The following CSRNP3 variants were observed in gnomAD, a reference collection of about 807,000 sequenced individuals.
CSRNP3 encodes cysteine/serine-rich nuclear protein 3.
Under a neutral mutation model 48.0 loss-of-function variants are expected in CSRNP3, and 12 were observed. The observed-to-expected ratio is 0.25, with a 90% CI of 0.16 to 0.41. CSRNP3 has a LOEUF of 0.41. CSRNP3 is among the 10% of genes least tolerant of loss of function. The pLI is 1.00. For synonymous variants in CSRNP3, 263 were observed against 269.7 expected, an observed-to-expected ratio of 0.98 and a Z score of 0.24; for missense variants, 580 against 724.4, an observed-to-expected ratio of 0.80 and a Z score of 2.29.
chr2:165,595,181 G>A lies in CSRNP3; in HGVS notation c.116G>A (p.Ser39Asn). The change falls in exon 4 of 7, where the codon AGT (serine) becomes AAT (asparagine). Residue 39 changes from serine to asparagine, a missense_variant. By Grantham distance (46) the Ser-to-Asn change is conservative. Coordinates refer to ENST00000651982, the MANE Select transcript of CSRNP3 (RefSeq NM_001172173.2). ...SSSESADSGD[S>N]VNPSTSSHFT... ...AGTGAAAGTGCTGACAGTGGGGACA[G>A]TGTCAATCCATCCACTTCTAGTCAT... 6.2e-7 allele frequency: 1 copy of A among 1,614,104 alleles called. No homozygotes were observed. The highest frequency in any genetic ancestry group is 1.7e-5 in the Admixed American group (1 of 60,026).
At chr2:165,574,195 T>A (rs1685412529) in intron 3 of CSRNP3, 2 of 508,654 alleles carry the variant, frequency 3.9e-6, no homozygotes, top group African/African-American at 4.0e-5. Context: ...GCTGGAGGAC[T>A]GCCTGAGCCT....
At chr2:165,672,212 T>A (rs1687342881) in intron 5 of CSRNP3, among the ~76,000 whole-genome samples, 2 of 152,194 alleles carry the variant, frequency 1.3e-5, no homozygotes, top group South Asian at 4.1e-4. Context: ...CAAAGTTGCT[T>A]CCACATTTTC....
At chr2:165,548,517 A>ATAT (rs1227574936) in intron 3 of CSRNP3, among the ~76,000 whole-genome samples, 3 of 152,092 alleles carry the variant, frequency 2.0e-5, no homozygotes, top group Non-Finnish European at 4.4e-5. Context: ...TATACAGGAA[A>ATAT]TATTATATTG....
intron 3 of CSRNP3, among the ~76,000 whole-genome samples, chr2:165,527,553 A>G (rs976274600): frequency 2.0e-5 from 3 of 151,950 alleles, no homozygotes; most frequent in Non-Finnish European, 4.4e-5. Flanking sequence ...AAGGATAATT[A>G]TATATGTACA....
At chr2:165,634,893 C>T (rs1686601821) in intron 4 of CSRNP3, among the ~76,000 whole-genome samples, 1 of 152,220 alleles carries the variant, frequency 6.6e-6, no homozygotes, top group Non-Finnish European at 1.5e-5. Flanking sequence ...TTATTGTTAT[C>T]TCGTCCAGGA....
intron 5 of CSRNP3, among the ~76,000 whole-genome samples, chr2:165,666,833 C>CGGAA (rs1158749313): frequency 2.2e-5 from 1 of 44,898 alleles, no homozygotes; most frequent in Non-Finnish European, 4.4e-5. Flanking sequence ...AAAGGAAGGA[C>CGGAA]GGAAGGAAGG....
intron 5 of CSRNP3, among the ~76,000 whole-genome samples, chr2:165,670,237 ACCCCACTGCCAG>A (rs1687306179): frequency 6.6e-6 from 1 of 152,036 alleles, no homozygotes; most frequent in African/African-American, 2.4e-5. Flanking sequence ...TTCCCACTTC[ACCCCACTGCCAG>A]CCCCACTGCC....
At chr2:165,563,167 G>A (rs957237360) in intron 3 of CSRNP3, among the ~76,000 whole-genome samples, 1 of 152,150 alleles carries the variant, frequency 6.6e-6, no homozygotes, top group Non-Finnish European at 1.5e-5. Context: ...GTACACAATT[G>A]TTAAAACAAA....
intron 4 of CSRNP3, among the ~76,000 whole-genome samples, chr2:165,621,590 T>C (rs1222887878): frequency 6.6e-6 from 1 of 152,186 alleles, no homozygotes; most frequent in Non-Finnish European, 1.5e-5. Context: ...AGGAATCTCT[T>C]ACAGAGAAGA....
At chr2:165,666,091 A>G (rs1421348891) in intron 5 of CSRNP3, among the ~76,000 whole-genome samples, 2 of 129,372 alleles carry the variant, frequency 1.5e-5, no homozygotes, top group African/African-American at 2.9e-5. Flanking sequence ...AAAGGAAGGA[A>G]GGAGAGAGAG....
At chr2:165,471,430 T>G (rs1166466457) in intron 1 of CSRNP3, among the ~76,000 whole-genome samples, 1 of 151,986 alleles carries the variant, frequency 6.6e-6, no homozygotes, top group East Asian at 1.9e-4. Context: ...TTAGAGGAAA[T>G]AAATCAATGC....
intron 5 of CSRNP3, among the ~76,000 whole-genome samples, chr2:165,671,095 G>T (rs1190097972): frequency 6.6e-6 from 1 of 152,084 alleles, no homozygotes; most frequent in Admixed American, 6.5e-5. Flanking sequence ...TAATCTATCT[G>T]TGAGATATAA....
rs1194622688 is a variant in CSRNP3 at position 165,681,898 on chromosome 2, CT to C, written c.*2146del. 1 of 150,514 alleles carries C rather than the reference CT, an allele frequency of 6.6e-6. No homozygotes were observed. Among genetic ancestry groups the C allele is most frequent in the Non-Finnish European group, 1.5e-5 (1 of 67,754 alleles). 9.3% of individuals were successfully genotyped at this position (150,514 alleles called of 1,614,324 possible). A position where few individuals can be genotyped will look rare whatever the true frequency, so the allele number is the denominator to read the frequency against. On this transcript the variant is annotated 3_prime_UTR_variant, in exon 7 of 7. Transcript: ENST00000651982. Reference sequence around the variant, plus strand: ...GTGCTTAATCTCCAAAATTTTCCCCCTACTGATACAATCTAAAGAGCACAGG... The same window carrying C: ...GTGCTTAATCTCCAAAATTTTCCCCCACTGATACAATCTAAAGAGCACAGG...
intron 3 of CSRNP3, among the ~76,000 whole-genome samples, chr2:165,553,649 A>G (rs1018109137): frequency 6.6e-5 from 10 of 152,170 alleles, no homozygotes; most frequent in Non-Finnish European, 1.5e-4. Context: ...CACTGATAAA[A>G]TAAAAGCAGA....
intron 3 of CSRNP3, among the ~76,000 whole-genome samples, chr2:165,534,995 G>A (rs1396557060): frequency 1.3e-5 from 2 of 151,672 alleles, no homozygotes; most frequent in Admixed American, 1.3e-4. Context: ...AAAATTATCA[G>A]ATGAGAAACC....
At chr2:165,633,819 T>C (rs901220662) in intron 4 of CSRNP3, among the ~76,000 whole-genome samples, 4 of 152,198 alleles carry the variant, frequency 2.6e-5, no homozygotes, top group Non-Finnish European at 5.9e-5. Context: ...CATTCACTAT[T>C]TGTGGCTCCC....
chr2:165,630,399 T>C (rs908302527), intron 4 of CSRNP3, among the ~76,000 whole-genome samples: 1 of 152,204 alleles, frequency 6.6e-6, no homozygotes, highest in African/African-American at 2.4e-5. Flanking sequence ...TCTTTTCCTG[T>C]GGTGTTACCC....
chr2:165,607,146 C>T (rs1201216475), intron 4 of CSRNP3, among the ~76,000 whole-genome samples: 1 of 152,066 alleles, frequency 6.6e-6, no homozygotes, highest in Non-Finnish European at 1.5e-5. Context: ...ACCACGCCTT[C>T]GTGCCATTAT....
chr2:165,641,309 G>T (rs1263243147), intron 4 of CSRNP3, among the ~76,000 whole-genome samples: 1 of 152,154 alleles, frequency 6.6e-6, no homozygotes, highest in East Asian at 1.9e-4. Flanking sequence ...GTTCTTTACT[G>T]AAAGCTATCT....
Sources: gnomAD v4.1 joint callset for allele counts (sites outside exome capture counted in the v4.1 genomes callset) on GRCh38, gnomAD v4.1.1 for gene constraint, MANE v1.5 for transcripts, NCBI Gene and HGNC (gene_info 2026-07-23, HGNC 2026-07-21) for gene names.